Variants in HNMT observed in about 807,000 individuals in gnomAD.
HNMT encodes the protein histamine N-methyltransferase.
A neutral mutation model predicts 32.1 loss-of-function variants in HNMT; 30 were observed. The ratio of observed to expected loss-of-function variants is 0.93; its 90% CI spans 0.70 to 1.27. HNMT has a LOEUF of 1.27. Ranked by LOEUF, HNMT falls within the 50% of genes most tolerant of loss-of-function variation. The pLI, the probability that HNMT is intolerant of heterozygous loss-of-function variation, is 0.00. For synonymous variants in HNMT, 125 were observed against 119.0 expected, an observed-to-expected ratio of 1.05 and a Z score of -0.33; for missense variants, 327 against 346.0, an observed-to-expected ratio of 0.95 and a Z score of 0.43.
At position 137,984,805 on chromosome 2, in the gene HNMT, T is replaced by C. The variant is rs532117570; in HGVS notation, c.190+14588T>C. 9.6e-4 allele frequency among the ~76,000 whole-genome samples: 146 copies of C among 152,288 alleles called. 2 individuals carry two copies. Among genetic ancestry groups the C allele is most frequent in the African/African-American group, 3.5e-3 (144 of 41,574 alleles). ...CATAAAAATAACATTTTTTAAAAGTTACCATATGATGTAAGGAGTGACTGT... is the reference window on the plus strand; with the variant it reads ...CATAAAAATAACATTTTTTAAAAGTCACCATATGATGTAAGGAGTGACTGT... On this transcript the variant is annotated intron_variant, in intron 2 of 5. Coordinates refer to ENST00000280097, the MANE Select transcript of HNMT (RefSeq NM_006895.3).
At chr2:137,972,061 C>T (rs1318689791) in intron 2 of HNMT, among the ~76,000 whole-genome samples, 4 of 151,964 alleles carry the variant, frequency 2.6e-5, no homozygotes, top group Non-Finnish European at 5.9e-5. Context: ...ACAAAGATAA[C>T]TAAGAGCTCT....
chr2:137,978,367 C>T (rs961266303), intron 2 of HNMT, among the ~76,000 whole-genome samples: 1 of 143,176 alleles, frequency 7.0e-6, no homozygotes, highest in Non-Finnish European at 1.5e-5. Context: ...TAGTATTATA[C>T]AATACATATG....
At chr2:137,995,553 C>T (rs1280655109) in intron 2 of HNMT, among the ~76,000 whole-genome samples, 2 of 152,132 alleles carry the variant, frequency 1.3e-5, no homozygotes, top group Admixed American at 1.3e-4. Flanking sequence ...AAGCCCAGGA[C>T]CAGATGGATT....
intron 2 of HNMT, among the ~76,000 whole-genome samples, chr2:137,994,275 G>T (rs1680915613): frequency 6.6e-6 from 1 of 152,172 alleles, no homozygotes; most frequent in Non-Finnish European, 1.5e-5. Context: ...GCTGTATTCA[G>T]GAGACCCATC....
intron 2 of HNMT, among the ~76,000 whole-genome samples, chr2:137,972,193 C>T (rs1680157755): frequency 6.6e-6 from 1 of 152,086 alleles, no homozygotes; most frequent in South Asian, 2.1e-4. Flanking sequence ...CAACCTCTGC[C>T]TCCTGGGTTC....
At chr2:137,970,933 A>AAAAAAGAAAGAAAGAAAGAAAG (rs1424481237) in intron 2 of HNMT, among the ~76,000 whole-genome samples, 50 of 86,676 alleles carry the variant, frequency 5.8e-4, no homozygotes, top group African/African-American at 2.2e-3. Flanking sequence ...AAAAAAAAAA[A>AAAAAAGAAAGAAAGAAAGAAAG]AAAGAAAGAA....
intron 2 of HNMT, among the ~76,000 whole-genome samples, chr2:137,981,009 G>A (rs1165313747): frequency 6.6e-6 from 1 of 152,118 alleles, no homozygotes; most frequent in East Asian, 1.9e-4. Context: ...ATGAGCAATC[G>A]CTCTTCCTAG....
Position 138,001,025 on chromosome 2 carries a change from G to A in HNMT, c.298G>A (p.Glu100Lys), listed in dbSNP as rs142426063. ...TGCTGAACAAATTGCCAAATACAAAGGTACCTGTAACTCCTGGTCCTCTAC... is the reference window on the plus strand; with the variant it reads ...TGCTGAACAAATTGCCAAATACAAAAGTACCTGTAACTCCTGGTCCTCTAC... ...PSAEQIAKYKELVAKTSNLEN... is the reference protein window; with the variant it reads ...PSAEQIAKYKKLVAKTSNLEN... Residue 100 changes from glutamate (E) to lysine (K), a missense_variant and splice_region_variant, in exon 3 of 6, where the codon GAG (glutamate) becomes AAG (lysine). Transcript: ENST00000280097. 1.3e-6 allele frequency: 2 copies of A among 1,564,936 alleles called. No homozygotes were observed. The highest frequency in any genetic ancestry group is 1.8e-6 in the Non-Finnish European group (2 of 1,139,842).
At chr2:137,980,227 C>T (rs548012637) in intron 2 of HNMT, among the ~76,000 whole-genome samples, 18 of 152,114 alleles carry the variant, frequency 1.2e-4, no homozygotes, top group African/African-American at 4.1e-4. Context: ...TTAGTAGAGA[C>T]GGGGTTTCAC....
intron 2 of HNMT, among the ~76,000 whole-genome samples, chr2:137,985,505 T>G (rs1212138171): frequency 6.6e-6 from 1 of 152,212 alleles, no homozygotes; most frequent in Non-Finnish European, 1.5e-5. Flanking sequence ...TTGTGACTTC[T>G]CTCTTTCCTA....
intron 5 of HNMT, among the ~76,000 whole-genome samples, chr2:138,011,695 A>G (rs1050747055): frequency 6.6e-5 from 10 of 152,168 alleles, no homozygotes; most frequent in African/African-American, 2.4e-4. Context: ...AACCAAAAGT[A>G]TCTCAAGACA....
intron 5 of HNMT, among the ~76,000 whole-genome samples, chr2:138,008,624 C>T (rs1327251180): frequency 5.9e-5 from 9 of 151,974 alleles, no homozygotes; most frequent in Non-Finnish European, 1.0e-4. Context: ...TAAGGCCGCA[C>T]ACCTACGACC....
Position 138,013,848 on chromosome 2 carries a change from C to T in HNMT, c.597C>T (p.Ile199=). ...CCCAGGATGACCTCTGCCAGTATATCACATCAGATGACCTCACTCAGATGC... is the reference window on the plus strand; with the variant it reads ...CCCAGGATGACCTCTGCCAGTATATTACATCAGATGACCTCACTCAGATGC... ...RFPQDDLCQY[I]TSDDLTQMLD... The change falls in exon 6 of 6, where the codon ATC becomes ATT. Residue 199 remains isoleucine (I), a synonymous_variant. Coordinates refer to ENST00000280097, the MANE Select transcript of HNMT (RefSeq NM_006895.3). 3 of 1,613,734 alleles carry T rather than the reference C, an allele frequency of 1.9e-6. No homozygotes were observed. Among genetic ancestry groups the T allele is most frequent in the Non-Finnish European group, 1.7e-6 (2 of 1,179,784 alleles).
chr2:137,982,985 T>A (rs1172087954), intron 2 of HNMT, among the ~76,000 whole-genome samples: 3 of 152,192 alleles, frequency 2.0e-5, no homozygotes, highest in Non-Finnish European at 4.4e-5. Context: ...TGGTTTAAGA[T>A]GCATTTCATC....
Position 137,968,627 on chromosome 2 carries a change from C to T in HNMT, c.138-1538C>T, listed in dbSNP as rs192950628. Among the ~76,000 whole-genome samples, 5 of 152,268 alleles carry T rather than the reference C, an allele frequency of 3.3e-5. No homozygotes were observed. In the East Asian group the frequency reaches 9.6e-4, roughly 29 times the overall value. On this transcript the variant is annotated intron_variant, in intron 1 of 5. Transcript: ENST00000280097. ...CAACTTGGGTGCTCTGCTTCATAGC[C>T]TCCCTATGCTGTCATAGATGTAAGC...
chr2:137,982,522 A>G (rs1428783904), intron 2 of HNMT, among the ~76,000 whole-genome samples: 1 of 152,224 alleles, frequency 6.6e-6, no homozygotes, highest in Admixed American at 6.5e-5. Flanking sequence ...CGGTGGTACC[A>G]AAAATTGAGA....
intron 2 of HNMT, among the ~76,000 whole-genome samples, chr2:137,997,976 C>T (rs1241054881): frequency 1.3e-5 from 2 of 151,970 alleles, no homozygotes; most frequent in African/African-American, 4.8e-5. Flanking sequence ...GATGAGAGCA[C>T]ATGGACACAG....
intron 2 of HNMT, among the ~76,000 whole-genome samples, chr2:137,970,962 A>T (rs902504620): frequency 3.4e-5 from 5 of 147,768 alleles, no homozygotes; most frequent in African/African-American, 1.2e-4. Flanking sequence ...AGAAAGAAAG[A>T]AAGAAAGAAA....
chr2:137,990,342 A>G (rs1002990148), intron 2 of HNMT, among the ~76,000 whole-genome samples: 1 of 152,166 alleles, frequency 6.6e-6, no homozygotes, highest in Non-Finnish European at 1.5e-5. Flanking sequence ...TGAAAAGACT[A>G]TCTTTGCTCC....
Sources: allele counts gnomAD v4.1 joint callset (sites outside exome capture counted in the v4.1 genomes callset), GRCh38; gene constraint gnomAD v4.1.1; transcripts MANE v1.5; gene names NCBI Gene and HGNC (gene_info 2026-07-23, HGNC 2026-07-21).